The following GLRA3 variants were observed in gnomAD, a reference collection of about 807,000 sequenced individuals.
The protein encoded by GLRA3 is glycine receptor subunit alpha-3.
In GLRA3, 44 loss-of-function variants were observed where a neutral mutation model predicts 60.4. That is an observed-to-expected ratio of 0.73 (90% CI 0.57 to 0.94). The LOEUF (loss-of-function observed/expected upper bound fraction) is 0.94. GLRA3 is among the 40% of genes least tolerant of loss of function. The probability of loss-of-function intolerance (pLI) is 0.00; values close to 1 mark genes in which losing one functional copy is unlikely to be tolerated. For synonymous variants in GLRA3, 223 were observed against 192.9 expected (o/e 1.16, Z -1.29); for missense variants, 508 against 564.6 (o/e 0.90, Z 1.02).
At chr4:174,755,756 G>GAAAGAACA (rs1737667956) in intron 3 of GLRA3, among the ~76,000 whole-genome samples, 1 of 152,040 alleles carries the variant, frequency 6.6e-6, no homozygotes, top group South Asian at 2.1e-4. Context: ...AGAATATACA[G>GAAAGAACA]TATAGTAATT....
chr4:174,740,689 T>C (rs1467529781), intron 3 of GLRA3, among the ~76,000 whole-genome samples: 1 of 152,250 alleles, frequency 6.6e-6, no homozygotes, highest in Non-Finnish European at 1.5e-5. Flanking sequence ...TAGAGATGTG[T>C]AATCACCATC....
rs201476578 is a variant in GLRA3, at chr4:174,728,645, C to G, written c.321G>C (p.Ala107=). Residue 107 remains alanine, a synonymous_variant, in exon 4 of 10, where the codon GCG becomes GCC. Transcript: ENST00000274093. ...AAGAGTCGTCAGGATATTCACTGTACGCGAGGCGGGGATCATTCCATTTCT... is the reference window on the plus strand; with the variant it reads ...AAGAGTCGTCAGGATATTCACTGTAGGCGAGGCGGGGATCATTCCATTTCT... ...LRQKWNDPRL[A]YSEYPDDSLD... is the part of the protein sequence containing the mutation. 4.3e-5 allele frequency: 70 copies of G among 1,611,194 alleles called. No individual in the cohort carries two copies. The highest frequency in any genetic ancestry group is 5.8e-5 in the Non-Finnish European group (68 of 1,177,752).
intron 3 of GLRA3, 71 bp downstream of exon 3, chr4:174,766,892 C>T: frequency 1.3e-6 from 1 of 752,992 alleles, no homozygotes; most frequent in South Asian, 1.8e-5. Flanking sequence ...TTTTAAATTA[C>T]ATAAAATGTT....
chr4:174,675,887 T>C (rs960150073), intron 7 of GLRA3, among the ~76,000 whole-genome samples: 31 of 152,282 alleles, frequency 2.0e-4, no homozygotes, highest in African/African-American at 6.5e-4. Flanking sequence ...AATTGAATCA[T>C]AGAATGAACT....
chr4:174,709,592 T>C (rs928609449), intron 5 of GLRA3, among the ~76,000 whole-genome samples: 2 of 152,072 alleles, frequency 1.3e-5, no homozygotes, highest in South Asian at 2.1e-4. Flanking sequence ...CAGAATGAAG[T>C]TGAATTAAGT....
At chr4:174,704,487 G>C (rs2111059239) in intron 5 of GLRA3, among the ~76,000 whole-genome samples, 1 of 143,930 alleles carries the variant, frequency 6.9e-6, no homozygotes. Context: ...TGGAACTCTA[G>C]TGTACTGCTG....
chr4:174,661,965 C>CA (rs1445043213), intron 7 of GLRA3, among the ~76,000 whole-genome samples: 2 of 152,168 alleles, frequency 1.3e-5, no homozygotes, highest in African/African-American at 2.4e-5. Context: ...AAAAGTAATT[C>CA]AGTAACCTTT....
At chr4:174,821,079 C>A (rs1399942961) in intron 1 of GLRA3, among the ~76,000 whole-genome samples, 3 of 152,022 alleles carry the variant, frequency 2.0e-5, no homozygotes, top group African/African-American at 7.2e-5. Context: ...ACATTAAAAA[C>A]AAAGTCAACA....
intron 5 of GLRA3, among the ~76,000 whole-genome samples, chr4:174,688,573 G>A (rs1326931949): frequency 8.4e-6 from 1 of 119,154 alleles, no homozygotes; most frequent in Non-Finnish European, 1.7e-5. Flanking sequence ...TAAAGGGGAA[G>A]GAGGAAGTGT....
At chr4:174,794,480 C>T (rs572185321) in intron 1 of GLRA3, among the ~76,000 whole-genome samples, 38 of 152,152 alleles carry the variant, frequency 2.5e-4, no homozygotes, top group African/African-American at 7.5e-4. Context: ...TATGCACACA[C>T]GCACACACAC....
chr4:174,806,127 T>C (rs1740040758), intron 1 of GLRA3, among the ~76,000 whole-genome samples: 1 of 152,182 alleles, frequency 6.6e-6, no homozygotes, highest in Admixed American at 6.6e-5. Context: ...TAAATCACTT[T>C]TTTAAATCTG....
intron 1 of GLRA3, among the ~76,000 whole-genome samples, chr4:174,828,216 T>C (rs1253062760): frequency 6.6e-6 from 1 of 152,196 alleles, no homozygotes; most frequent in Non-Finnish European, 1.5e-5. Context: ...CCTTCATGTA[T>C]TACCTGAGCT....
chr4:174,654,910 T>C (rs906216983), intron 9 of GLRA3, among the ~76,000 whole-genome samples: 9 of 152,110 alleles, frequency 5.9e-5, no homozygotes, highest in African/African-American at 2.2e-4. Flanking sequence ...AGAGCAAACT[T>C]GTGTTCTTTC....
In GLRA3 at chr4:174,677,062, C is replaced by G. The variant is rs1266122822; in HGVS notation, c.927+16G>C. On this transcript the variant is annotated intron_variant, in intron 7 of 9. Coordinates refer to ENST00000274093, the MANE Select transcript of GLRA3 (RefSeq NM_006529.4). ...GTGTGTGTGCAAAGATGTGCATGCT[C>G]ATTCAGTGCACTTACTTTTGGCAAG... is the stretch of plus-strand genomic sequence containing the variant. 6.9e-7 allele frequency: 1 copy of G among 1,443,212 alleles called. No individual in the cohort carries two copies. The highest frequency in any genetic ancestry group is 1.4e-5 in the African/African-American group (1 of 71,538). The allele number at this position is 1,443,212 out of a possible 1,614,324, so 89.4% of individuals were successfully genotyped here.
chr4:174,716,953 C>T (rs979795698), intron 4 of GLRA3, among the ~76,000 whole-genome samples: 9 of 151,994 alleles, frequency 5.9e-5, no homozygotes, highest in Admixed American at 3.9e-4. Flanking sequence ...GTAATTCCAG[C>T]GCTTTGGGAG....
At chr4:174,781,492 C>CA (rs1208445073) in intron 2 of GLRA3, among the ~76,000 whole-genome samples, 2 of 136,774 alleles carry the variant, frequency 1.5e-5, no homozygotes, top group Non-Finnish European at 3.2e-5. Flanking sequence ...AATAGAGACA[C>CA]AAAAAACCCT....
In GLRA3 at chr4:174,788,893, A is replaced by G. The variant is rs754765943; in HGVS notation, c.122T>C (p.Met41Thr). The change falls in exon 2 of 10, where the codon ATG becomes ACG. Residue 41 changes from methionine to threonine, a missense_variant. Physicochemically the swap from Met to Thr is moderately conservative, Grantham distance 81. Coordinates refer to ENST00000274093, the MANE Select transcript of GLRA3 (RefSeq NM_006529.4). ...TDSARSRSAP[M>T]SPSDFLDKLM... ...TTTATCCAGAAAATCAGAAGGTGAC[A>G]TTGGAGCACTTCGAGATCTTGCACT... is the stretch of plus-strand genomic sequence containing the variant. 32 of 1,609,048 alleles carry G rather than the reference A, an allele frequency of 2.0e-5. No homozygotes were observed. In the South Asian group the frequency reaches 3.5e-4, roughly 18 times the overall value.
chr4:174,662,955 T>C (rs560390136), intron 7 of GLRA3, among the ~76,000 whole-genome samples: 6 of 151,782 alleles, frequency 4.0e-5, no homozygotes, highest in Non-Finnish European at 8.8e-5. Flanking sequence ...AATGGACAGA[T>C]AAATGAAGGC....
chr4:174,757,291 A>ACG (rs1177246623), intron 3 of GLRA3, among the ~76,000 whole-genome samples: 5 of 152,072 alleles, frequency 3.3e-5, no homozygotes, highest in African/African-American at 1.2e-4. Flanking sequence ...ACACACACAC[A>ACG]CACACACTTC....
Sources: gnomAD v4.1 joint callset for allele counts (sites outside exome capture counted in the v4.1 genomes callset) on GRCh38, gnomAD v4.1.1 for gene constraint, MANE v1.5 for transcripts, NCBI Gene and HGNC (gene_info 2026-07-23, HGNC 2026-07-21) for gene names.